CLCN3: variants seen among roughly 807,000 people sequenced by gnomAD.
CLCN3 encodes the protein H(+)/Cl(-) exchange transporter 3.
A neutral mutation model predicts 83.4 loss-of-function variants in CLCN3; 16 were observed. That is an observed-to-expected ratio of 0.19 (90% CI 0.13 to 0.29). The LOEUF (loss-of-function observed/expected upper bound fraction) is 0.29. Among genes scored for constraint, CLCN3 ranks in the 10% least tolerant of loss-of-function variants. CLCN3 has a pLI of 1.00. For synonymous variants in CLCN3, 322 were observed against 346.2 expected (o/e 0.93, Z 0.78); for missense variants, 544 against 1,006.0 (o/e 0.54, Z 6.21).
At chr4:169,655,848 T>G (rs1489431715) in intron 2 of CLCN3, among the ~76,000 whole-genome samples, 1 of 152,204 alleles carries the variant, frequency 6.6e-6, no homozygotes, top group East Asian at 1.9e-4. Flanking sequence ...ATATTTTTAT[T>G]CCTGTGATAT....
intron 2 of CLCN3, among the ~76,000 whole-genome samples, chr4:169,666,639 A>T (rs1331171366): frequency 6.6e-6 from 1 of 152,232 alleles, no homozygotes; most frequent in Admixed American, 6.5e-5. Context: ...AGAAGGCATC[A>T]CGTAATAGTT....
At chr4:169,639,466 A>C (rs1027353695) in intron 2 of CLCN3, among the ~76,000 whole-genome samples, 4 of 152,362 alleles carry the variant, frequency 2.6e-5, no homozygotes, top group South Asian at 2.1e-4. Context: ...ATGTCACCAA[A>C]AAAAGATATC....
At chr4:169,714,515 T>G (rs1056273773) in intron 12 of CLCN3, among the ~76,000 whole-genome samples, 3 of 152,172 alleles carry the variant, frequency 2.0e-5, no homozygotes, top group Admixed American at 2.0e-4. Flanking sequence ...CAAAGTCATG[T>G]GGTGAACAAG....
chr4:169,707,313 GAAGA>G (rs1560872486), intron 11 of CLCN3, 47 bp downstream of exon 11: 1 of 1,423,346 alleles, frequency 7.0e-7, no homozygotes, highest in East Asian at 2.3e-5. Context: ...TGGATTTCTG[GAAGA>G]AAGGAAAGCA....
intron 1 of CLCN3, among the ~76,000 whole-genome samples, chr4:169,633,047 C>T (rs1354001228): frequency 1.3e-5 from 2 of 152,164 alleles, no homozygotes; most frequent in African/African-American, 2.4e-5. Flanking sequence ...GAGTCTCACT[C>T]TGTTTCCCAG....
intron 10 of CLCN3, 119 bp from the exon 11 acceptor site, chr4:169,706,749 C>CT: frequency 2.6e-6 from 2 of 757,686 alleles, no homozygotes; most frequent in Non-Finnish European, 4.4e-6. Context: ...GATGCTAATG[C>CT]TTTTCCCTGA....
intron 2 of CLCN3, among the ~76,000 whole-genome samples, chr4:169,665,802 C>CTT (rs957623572): frequency 6.6e-6 from 1 of 152,134 alleles, no homozygotes; most frequent in African/African-American, 2.4e-5. Flanking sequence ...CATTTCACAT[C>CTT]TTTGGAGATT....
chr4:169,622,212 C>T (rs1488694338), intron 1 of CLCN3, among the ~76,000 whole-genome samples: 1 of 152,196 alleles, frequency 6.6e-6, no homozygotes, highest in Non-Finnish European at 1.5e-5. Context: ...GGAAATTGTA[C>T]TTCAGTATGT....
At chr4:169,632,158 CA>C (rs1773388543) in intron 1 of CLCN3, among the ~76,000 whole-genome samples, 1 of 150,786 alleles carries the variant, frequency 6.6e-6, no homozygotes, top group Non-Finnish European at 1.5e-5. Flanking sequence ...AAACCTTCAA[CA>C]AAATATTAAG....
chr4:169,640,937 T>C (rs1002273197), intron 2 of CLCN3, among the ~76,000 whole-genome samples: 2 of 152,146 alleles, frequency 1.3e-5, no homozygotes, highest in Admixed American at 6.5e-5. Flanking sequence ...TTTAGGCGCC[T>C]ATATCCTTTT....
chr4:169,683,390 A>T (rs778226400), intron 3 of CLCN3, among the ~76,000 whole-genome samples: 1 of 152,158 alleles, frequency 6.6e-6, no homozygotes, highest in African/African-American at 2.4e-5. Context: ...AGCTACTCGG[A>T]AAGCTGAGGT....
chr4:169,686,036 A>G (rs1448350953), intron 3 of CLCN3, among the ~76,000 whole-genome samples: 1 of 152,108 alleles, frequency 6.6e-6, no homozygotes, highest in African/African-American at 2.4e-5. Flanking sequence ...ACATGGATGA[A>G]GCTGGAAACC....
chr4:169,689,657 A>G (rs924371438), intron 5 of CLCN3, among the ~76,000 whole-genome samples: 1 of 152,214 alleles, frequency 6.6e-6, no homozygotes, highest in Admixed American at 6.5e-5. Flanking sequence ...TTGTGGCATT[A>G]CGGCATTTAA....
intron 3 of CLCN3, 138 bp downstream of exon 3, chr4:169,680,345 TG>T (rs1414413602): frequency 4.7e-6 from 3 of 639,016 alleles, no homozygotes; most frequent in East Asian, 3.0e-5. Context: ...ATGTGGTACA[TG>T]TTTTTTTCTT....
chr4:169,633,586 T>G (rs1468553294), intron 1 of CLCN3, among the ~76,000 whole-genome samples: 1 of 152,212 alleles, frequency 6.6e-6, no homozygotes, highest in Non-Finnish European at 1.5e-5. Flanking sequence ...CTATAGAAAT[T>G]TGAATATTTT....
chr4:169,649,434 G>A (rs1397963277), intron 2 of CLCN3, among the ~76,000 whole-genome samples: 1 of 152,188 alleles, frequency 6.6e-6, no homozygotes, highest in African/African-American at 2.4e-5. Flanking sequence ...ACTGTTAGGT[G>A]GTGAGAGTAT....
At chr4:169,691,083 C>T (rs891304946) in intron 6 of CLCN3, among the ~76,000 whole-genome samples, 6 of 152,090 alleles carry the variant, frequency 3.9e-5, no homozygotes, top group African/African-American at 7.2e-5. Context: ...ACTGCAACCT[C>T]TGCGTCCCAG....
At chr4:169,718,000 T>C (rs1417474895) in intron 12 of CLCN3, 1 of 545,196 alleles carries the variant, frequency 1.8e-6, no homozygotes, top group African/African-American at 1.9e-5. Flanking sequence ...CAATTACATT[T>C]GTATCTGATA....
chr4:169,685,511 T>C (rs887312045), intron 3 of CLCN3, among the ~76,000 whole-genome samples: 3 of 152,228 alleles, frequency 2.0e-5, no homozygotes, highest in Admixed American at 2.0e-4. Context: ...GCTTTTTTCC[T>C]GTATAATGCT....
Sources: gnomAD v4.1 joint callset for allele counts (sites outside exome capture counted in the v4.1 genomes callset) on GRCh38, gnomAD v4.1.1 for gene constraint, MANE v1.5 for transcripts, NCBI Gene and HGNC (gene_info 2026-07-23, HGNC 2026-07-21) for gene names.